FAM174B: variants seen among roughly 807,000 people sequenced by gnomAD.
FAM174B encodes membrane protein FAM174B.
A neutral mutation model predicts 10.9 loss-of-function variants in FAM174B; 12 were observed. That is an observed-to-expected ratio of 1.10 (90% confidence interval 0.71 to 1.79). FAM174B has a LOEUF of 1.79. Ranked by LOEUF, FAM174B falls within the 40% of genes most tolerant of loss-of-function variation. The pLI is 0.00. For synonymous variants in FAM174B, 132 were observed against 115.8 expected, an observed-to-expected ratio of 1.14 and a Z score of -0.90; for missense variants, 266 against 233.3, an observed-to-expected ratio of 1.14 and a Z score of -0.91.
intron 2 of FAM174B, among the ~76,000 whole-genome samples, chr15:92,629,477 A>G (rs1380419313): frequency 3.3e-5 from 5 of 152,174 alleles, no homozygotes; most frequent in Non-Finnish European, 5.9e-5. Flanking sequence ...GTCCTCAGCT[A>G]CTGACATAAG....
chr15:92,618,771 G>A lies in FAM174B; in HGVS notation c.*685C>T, dbSNP rs1240761185. 2 of 168,282 alleles carry A rather than the reference G, an allele frequency of 1.2e-5. No individual in the cohort carries two copies. The highest frequency in any genetic ancestry group is 1.1e-4 in the Admixed American group (2 of 17,496). 10.4% of individuals were successfully genotyped at this position (168,282 alleles called of 1,614,324 possible). On this transcript the variant is annotated 3_prime_UTR_variant, in exon 3 of 3. Coordinates refer to ENST00000327355, the MANE Select transcript of FAM174B (RefSeq NM_207446.3). ...ACACACACACACACACACACGCACA[G>A]TTTTTCCCTGATACTGGAAATTCTT...
intron 2 of FAM174B, among the ~76,000 whole-genome samples, chr15:92,625,850 T>C (rs905201128): frequency 6.6e-6 from 1 of 152,230 alleles, no homozygotes; most frequent in African/African-American, 2.4e-5. Context: ...TCTTTAGGCC[T>C]GAGGACTGCA....
chr15:92,631,030 A>G (rs1274319249), intron 1 of FAM174B, among the ~76,000 whole-genome samples: 27 of 21,794 alleles, frequency 1.2e-3, no homozygotes, highest in South Asian at 4.1e-3. Context: ...TATATTACGT[A>G]TTACATATTA....
chr15:92,617,777 C>T lies in FAM174B; in HGVS notation c.*1679G>A, dbSNP rs1596291285. On this transcript the variant is annotated 3_prime_UTR_variant, in exon 3 of 3. Coordinates refer to ENST00000327355, the MANE Select transcript of FAM174B (RefSeq NM_207446.3). ...AAAGCAGCCACGGCTGTTCTGTTGC[C>T]AGTCCCACCCCTCTGGCAAACAGAT... 1 of 541,128 alleles carries T rather than the reference C, an allele frequency of 1.8e-6. No homozygotes were observed. The highest frequency in any genetic ancestry group is 3.4e-5 in the East Asian group (1 of 29,788). 33.5% of individuals were successfully genotyped at this position (541,128 alleles called of 1,614,324 possible).
chr15:92,653,743 G>A (rs548682044), intron 1 of FAM174B, among the ~76,000 whole-genome samples: 2 of 152,364 alleles, frequency 1.3e-5, no homozygotes, highest in East Asian at 3.9e-4. Flanking sequence ...CTTGGTGGCT[G>A]CACGCACTTG....
chr15:92,631,215 A>T (rs1367894629), intron 1 of FAM174B, among the ~76,000 whole-genome samples: 1 of 19,658 alleles, frequency 5.1e-5, no homozygotes, highest in African/African-American at 2.2e-4. Flanking sequence ...TATATTATAT[A>T]TTATATTATA....
intron 2 of FAM174B, among the ~76,000 whole-genome samples, chr15:92,629,838 GTGAA>G (rs1411965048): frequency 6.6e-6 from 1 of 152,118 alleles, no homozygotes; most frequent in Non-Finnish European, 1.5e-5. Flanking sequence ...CGTCCTGACA[GTGAA>G]TAAGTCTCAC....
At chr15:92,648,943 G>A (rs534876975) in intron 1 of FAM174B, among the ~76,000 whole-genome samples, 13 of 152,340 alleles carry the variant, frequency 8.5e-5, no homozygotes, top group African/African-American at 3.1e-4. Context: ...CTTTGCAAAT[G>A]GTTAGACCCA....
At chr15:92,648,412 C>A (rs1436629907) in intron 1 of FAM174B, among the ~76,000 whole-genome samples, 1 of 152,032 alleles carries the variant, frequency 6.6e-6, no homozygotes, top group Admixed American at 6.5e-5. Context: ...AATTAAACAC[C>A]CTGGGAAGAA....
At chr15:92,649,868 T>G (rs763063359) in intron 1 of FAM174B, among the ~76,000 whole-genome samples, 19 of 152,362 alleles carry the variant, frequency 1.2e-4, no homozygotes, top group Middle Eastern at 3.4e-3. Context: ...ACTTCTTCAC[T>G]GTGGCATATA....
At chr15:92,631,483 T>TATA (rs2141955235) in intron 1 of FAM174B, among the ~76,000 whole-genome samples, 1 of 132 alleles carries the variant, frequency 7.6e-3, no homozygotes, top group East Asian at 0.5. Context: ...TATAATATAT[T>TATA]ATATATATAT....
intron 2 of FAM174B, among the ~76,000 whole-genome samples, chr15:92,621,354 G>A (rs950199413): frequency 9.2e-5 from 14 of 152,152 alleles, no homozygotes; most frequent in African/African-American, 2.2e-4. Flanking sequence ...GGTCGCGCCC[G>A]TAATCCCAGA....
At chr15:92,655,124 CAT>C in intron 1 of FAM174B, 190 bp downstream of exon 1, 1 of 643,832 alleles carries the variant, frequency 1.6e-6, no homozygotes, top group Non-Finnish European at 2.3e-6. Flanking sequence ...ATTCCTAAAA[CAT>C]GTACCAGGAA....
At chr15:92,625,441 G>C (rs2050746773) in intron 2 of FAM174B, among the ~76,000 whole-genome samples, 1 of 152,150 alleles carries the variant, frequency 6.6e-6, no homozygotes, top group Non-Finnish European at 1.5e-5. Context: ...CTGTTTCCTA[G>C]AGAGAACTGA....
intron 1 of FAM174B, among the ~76,000 whole-genome samples, chr15:92,639,503 T>A (rs776285665): frequency 6.6e-6 from 1 of 152,060 alleles, no homozygotes; most frequent in Non-Finnish European, 1.5e-5. Context: ...TATAAAGGAG[T>A]TAGATTAGTA....
At chr15:92,642,401 G>C (rs895211594) in intron 1 of FAM174B, among the ~76,000 whole-genome samples, 1 of 152,116 alleles carries the variant, frequency 6.6e-6, no homozygotes, top group African/African-American at 2.4e-5. Flanking sequence ...CCCCAAAAAG[G>C]AAACAACTTA....
chr15:92,624,865 CCA>C (rs1393549788), intron 2 of FAM174B, among the ~76,000 whole-genome samples: 1 of 152,182 alleles, frequency 6.6e-6, no homozygotes, highest in African/African-American at 2.4e-5. Context: ...GGGCCGCCTG[CCA>C]CACACACGGG....
intron 1 of FAM174B, among the ~76,000 whole-genome samples, chr15:92,654,001 C>G (rs1481917621): frequency 6.6e-6 from 1 of 152,140 alleles, no homozygotes; most frequent in African/African-American, 2.4e-5. Flanking sequence ...AGCATTTCAA[C>G]CCAGAGAACA....
chr15:92,629,838 G>A (rs2050778980), intron 2 of FAM174B, among the ~76,000 whole-genome samples: 1 of 152,118 alleles, frequency 6.6e-6, no homozygotes, highest in Non-Finnish European at 1.5e-5. Context: ...CGTCCTGACA[G>A]TGAATAAGTC....
Sources: gnomAD v4.1 joint callset for allele counts (sites outside exome capture counted in the v4.1 genomes callset) on GRCh38, gnomAD v4.1.1 for gene constraint, MANE v1.5 for transcripts, NCBI Gene and HGNC (gene_info 2026-07-23, HGNC 2026-07-21) for gene names.